ACTN4: variants seen among roughly 807,000 people sequenced by gnomAD.
The protein encoded by ACTN4 is alpha-actinin-4.
ACTN4 carries 18 observed loss-of-function variants against 114.2 expected under a neutral mutation model. The ratio of observed to expected loss-of-function variants is 0.16; its 90% CI spans 0.11 to 0.23. ACTN4 has a LOEUF of 0.23. Ranked by LOEUF, ACTN4 falls within the 10% of genes least tolerant of loss-of-function variation. ACTN4 has a pLI of 1.00. For missense variants in ACTN4, 722 were observed against 1,262.9 expected, an observed-to-expected ratio of 0.57 and a Z score of 6.49; for synonymous variants, 515 against 506.3, an observed-to-expected ratio of 1.02 and a Z score of -0.23.
At chr19:38,654,476 C>T (rs1312728526) in intron 1 of ACTN4, among the ~76,000 whole-genome samples, 1 of 151,372 alleles carries the variant, frequency 6.6e-6, no homozygotes, top group Non-Finnish European at 1.5e-5. Context: ...GCAGGATAAT[C>T]ACTCAAACCT....
At chr19:38,694,482 A>G (rs1463560446) in intron 1 of ACTN4, among the ~76,000 whole-genome samples, 1 of 149,052 alleles carries the variant, frequency 6.7e-6, no homozygotes, top group African/African-American at 2.5e-5. Context: ...CTGGTCTTGA[A>G]CTCCTGACCT....
Position 38,728,881 on chromosome 19 carries a change from A to G in ACTN4, c.2419-115A>G, listed in dbSNP as rs567156302. 8 of 1,342,060 alleles carry G rather than the reference A, an allele frequency of 6.0e-6. No individual in the cohort carries two copies. In the African/African-American group the frequency reaches 1.1e-4, roughly 19 times the overall value. The allele number at this position is 1,342,060 out of a possible 1,614,324, so 83.1% of individuals were successfully genotyped here. ...CAGGCGGGGAACAGGGCGCACGCAC[A>G]CGTGGGTTGGGCCCTACTCTCTCGG... is the stretch of plus-strand genomic sequence containing the variant. On this transcript the variant is annotated intron_variant, in intron 19 of 20. Coordinates refer to ENST00000252699, the MANE Select transcript of ACTN4 (RefSeq NM_004924.6).
At chr19:38,669,077 C>T (rs924502268) in intron 1 of ACTN4, among the ~76,000 whole-genome samples, 5 of 152,154 alleles carry the variant, frequency 3.3e-5, no homozygotes, top group African/African-American at 7.2e-5. Context: ...ACCTCTGTCT[C>T]CTGGGTTCAA....
chr19:38,715,144 T>C (rs1968797739), intron 9 of ACTN4, among the ~76,000 whole-genome samples: 1 of 152,174 alleles, frequency 6.6e-6, no homozygotes, highest in African/African-American at 2.4e-5. Context: ...CAGTTGGAAA[T>C]AAGGGTGGTT....
chr19:38,662,822 A>G (rs1976929195), intron 1 of ACTN4, among the ~76,000 whole-genome samples: 2 of 151,630 alleles, frequency 1.3e-5, no homozygotes, highest in African/African-American at 2.4e-5. Flanking sequence ...TTTCTATCAC[A>G]CTATAAAGAC....
chr19:38,711,823 A>T (rs1280022868), intron 8 of ACTN4, among the ~76,000 whole-genome samples: 1 of 152,180 alleles, frequency 6.6e-6, no homozygotes, highest in African/African-American at 2.4e-5. Context: ...TGTGCAGCCC[A>T]ACCTGCACTC....
chr19:38,721,025 C>T (rs2145078815), intron 11 of ACTN4, among the ~76,000 whole-genome samples: 1 of 152,356 alleles, frequency 6.6e-6, no homozygotes, highest in Non-Finnish European at 1.5e-5. Flanking sequence ...CGCCCCAATG[C>T]ACACAGGACA....
rs1353607623 is a variant in ACTN4, at chr19:38,727,715, G to A, written c.2338-231G>A. The A allele has an allele frequency of 1.7e-6, 1 of 589,964 alleles. No homozygotes were observed. The highest frequency in any genetic ancestry group is 3.0e-6 in the Non-Finnish European group (1 of 329,336). 36.5% of individuals were successfully genotyped at this position (589,964 alleles called of 1,614,324 possible). A position where few individuals can be genotyped will look rare whatever the true frequency, so the allele number is the denominator to read the frequency against. On this transcript the variant is annotated intron_variant, in intron 18 of 20. Transcript: ENST00000252699. This position sits in a 1 kb window ranked among gnomAD's most constrained non-coding sequence, Gnocchi z 5.4. ...ACCCCTGCTGTGGGCAGAGAGGTCG[G>A]GGAGGCCTCTGCCTTCCTTTGAGCT... is the stretch of plus-strand genomic sequence containing the variant.
intron 1 of ACTN4, among the ~76,000 whole-genome samples, chr19:38,659,058 T>A (rs562078937): frequency 8.7e-6 from 1 of 115,566 alleles, no homozygotes; most frequent in African/African-American, 2.9e-5. Context: ...TTTTCTTCTT[T>A]TCTTTTCTTT....
chr19:38,700,868 G>C (rs1968249389), intron 2 of ACTN4, 134 bp from the exon 3 acceptor site: 1 of 1,424,874 alleles, frequency 7.0e-7, no homozygotes, highest in Non-Finnish European at 9.6e-7. Flanking sequence ...GGTGGGGCCA[G>C]AGTGGCCTGG....
chr19:38,659,661 G>A (rs1233673742), intron 1 of ACTN4, among the ~76,000 whole-genome samples: 2 of 152,112 alleles, frequency 1.3e-5, no homozygotes, highest in Non-Finnish European at 2.9e-5. Context: ...TGCCAAATAC[G>A]GCCTGCTCTG....
chr19:38,720,111 C>T (rs953744040), intron 11 of ACTN4, among the ~76,000 whole-genome samples: 19 of 152,366 alleles, frequency 1.2e-4, no homozygotes, highest in Admixed American at 2.6e-4. Flanking sequence ...CCCTCCACAC[C>T]CCAGGGTCTG....
At position 38,647,920 on chromosome 19, in the gene ACTN4, C is replaced by T. The variant is rs529023065; in HGVS notation, c.162+13C>T. On this transcript the variant is annotated intron_variant, in intron 1 of 20. Transcript: ENST00000252699. ...GCAGCAGCGCAAGGTGCGCGGCCCG[C>T]GGGCCGGACGGGCTGGAGGGGCTTT... The T allele has an allele frequency of 2.5e-6, 3 of 1,216,218 alleles. No homozygotes were observed. The highest frequency in any genetic ancestry group is 4.9e-5 in the East Asian group (1 of 20,504). 75.3% of individuals were successfully genotyped at this position (1,216,218 alleles called of 1,614,324 possible). A position where few individuals can be genotyped will look rare whatever the true frequency, so the allele number is the denominator to read the frequency against.
intron 5 of ACTN4, among the ~76,000 whole-genome samples, chr19:38,706,944 C>T (rs181809445): frequency 8.5e-5 from 13 of 152,288 alleles, no homozygotes; most frequent in Non-Finnish European, 1.6e-4. Context: ...CGGCAAGAGG[C>T]AGGCCTGCCT....
At chr19:38,649,000 G>A (rs1047157070) in intron 1 of ACTN4, among the ~76,000 whole-genome samples, 1 of 151,876 alleles carries the variant, frequency 6.6e-6, no homozygotes, top group African/African-American at 2.4e-5. Context: ...TGAGGAGGGG[G>A]TGCTGGCTCC....
At position 38,724,908 on chromosome 19, in the gene ACTN4, C is replaced by T. The variant is rs922449600; in HGVS notation, c.2010+343C>T. Among the ~76,000 whole-genome samples, 5 of 152,176 alleles carry T rather than the reference C, an allele frequency of 3.3e-5. No individual in the cohort carries two copies. The highest frequency in any genetic ancestry group is 1.3e-4 in the Admixed American group (2 of 15,278). On this transcript the variant is annotated intron_variant, in intron 16 of 20. Transcript: ENST00000252699. This position sits in a 1 kb window ranked among gnomAD's most constrained non-coding sequence, Gnocchi z 7.0. ...AGGAGGTCGAGGCTGCCGTGAGCTA[C>T]GATCATGCCACTGCACTTCAGCCTG... is the stretch of plus-strand genomic sequence containing the variant.
intron 3 of ACTN4, among the ~76,000 whole-genome samples, chr19:38,703,990 A>G (rs530748716): frequency 3.6e-4 from 55 of 152,302 alleles, no homozygotes; most frequent in Admixed American, 3.3e-3. Context: ...TTCCAGCAGG[A>G]TGGCAGGGCC....
In ACTN4 at chr19:38,727,081, C is replaced by T. The variant is rs760946329; in HGVS notation, c.2315C>T (p.Ala772Val). The change falls in exon 18 of 21, where the codon GCG (alanine) becomes GTG (valine). Residue 772 changes from alanine to valine, a missense_variant. Physicochemically the swap from Ala to Val is moderately conservative, Grantham distance 64. Coordinates refer to ENST00000252699, the MANE Select transcript of ACTN4 (RefSeq NM_004924.6). The surrounding 1 kb of genome is among the most constrained non-coding windows in gnomAD (Gnocchi z 5.4). The stretch of plus-strand genomic sequence containing the variant: ...CAGGAGCAGATGCAGGAGTTCCGGG[C>T]GTCCTTCAACCACTTCGACAAGGTG... The part of the protein sequence containing the change: ...ISQEQMQEFR[A>V]SFNHFDKDHG... 1.3e-5 allele frequency: 21 copies of T among 1,614,082 alleles called. No individual in the cohort carries two copies. Among genetic ancestry groups the T allele is most frequent in the East Asian group, 8.9e-5 (4 of 44,888 alleles).
At chr19:38,707,295 A>G (rs967004809) in intron 5 of ACTN4, among the ~76,000 whole-genome samples, 40 of 151,948 alleles carry the variant, frequency 2.6e-4, no homozygotes, top group African/African-American at 8.7e-4. Flanking sequence ...GTGGAGATAC[A>G]GTGGCACCCA....
Sources: gnomAD v4.1 joint callset for allele counts (sites outside exome capture counted in the v4.1 genomes callset) on GRCh38, gnomAD v4.1.1 for gene constraint, Gnocchi (gnomAD v3.1) non-coding constraint, MANE v1.5 for transcripts, NCBI Gene and HGNC (gene_info 2026-07-23, HGNC 2026-07-21) for gene names.